Variants in ZMYND8 observed in about 807,000 individuals in gnomAD.
ZMYND8 encodes zinc finger MYND-type containing 8, also known as MYND-type zinc finger-containing chromatin reader ZMYND8.
In ZMYND8, 37 loss-of-function variants were observed where a neutral mutation model predicts 140.8. The observed-to-expected ratio is 0.26, with a 90% CI of 0.20 to 0.35. The LOEUF (loss-of-function observed/expected upper bound fraction) is 0.35, where lower values mean the gene tolerates loss of function less well. Among genes scored for constraint, ZMYND8 ranks in the 10% least tolerant of loss-of-function variants. ZMYND8 has a pLI of 1.00. For missense variants in ZMYND8, 1,068 were observed against 1,570.0 expected (o/e 0.68, Z 5.40); for synonymous variants, 592 against 597.1 (o/e 0.99, Z 0.12).
intron 2 of ZMYND8, among the ~76,000 whole-genome samples, chr20:47,323,504 G>A (rs940241177): frequency 1.3e-5 from 2 of 152,080 alleles, no homozygotes; most frequent in Admixed American, 1.3e-4. Context: ...AGGACTACAG[G>A]CATGAGCTGT....
chr20:47,269,198 CA>C (rs778942859), intron 11 of ZMYND8, among the ~76,000 whole-genome samples: 5 of 151,560 alleles, frequency 3.3e-5, no homozygotes, highest in East Asian at 3.9e-4. Context: ...GACTCCATCT[CA>C]AAAAAAATAA....
intron 10 of ZMYND8, among the ~76,000 whole-genome samples, chr20:47,277,035 T>G (rs2076298578): frequency 6.6e-6 from 1 of 152,116 alleles, no homozygotes; most frequent in South Asian, 2.1e-4. Flanking sequence ...GCAACAGACT[T>G]AGTCATTGTG....
intron 16 of ZMYND8, among the ~76,000 whole-genome samples, chr20:47,232,638 C>G (rs1365400732): frequency 6.6e-6 from 1 of 152,142 alleles, no homozygotes; most frequent in Non-Finnish European, 1.5e-5. Flanking sequence ...AACCACTAAT[C>G]AGACCCACTC....
At chr20:47,269,058 G>A (rs993122373) in intron 11 of ZMYND8, among the ~76,000 whole-genome samples, 8 of 152,046 alleles carry the variant, frequency 5.3e-5, no homozygotes, top group African/African-American at 1.9e-4. Context: ...AACCAGCCAG[G>A]TGTGTTGGCA....
chr20:47,319,081 G>A (rs745521557), intron 2 of ZMYND8: 3 of 1,321,588 alleles, frequency 2.3e-6, no homozygotes, highest in Admixed American at 2.0e-5. Context: ...GGAGGAAGAA[G>A]CAAAGAGAAC....
chr20:47,341,785 C>T (rs558921479), intron 2 of ZMYND8, among the ~76,000 whole-genome samples: 2 of 151,776 alleles, frequency 1.3e-5, no homozygotes, highest in African/African-American at 4.8e-5. Context: ...GGGTGGATCA[C>T]GAGGTCAGGA....
intron 16 of ZMYND8, among the ~76,000 whole-genome samples, chr20:47,232,740 C>T (rs2038680451): frequency 6.6e-6 from 1 of 152,128 alleles, no homozygotes; most frequent in African/African-American, 2.4e-5. Flanking sequence ...AACAAGAGAT[C>T]ATTCAGGCAA....
chr20:47,300,754 G>A (rs920526488), intron 3 of ZMYND8, among the ~76,000 whole-genome samples: 14 of 152,016 alleles, frequency 9.2e-5, no homozygotes, highest in African/African-American at 3.1e-4. Context: ...TTGCTCTGTC[G>A]CCCAGGCTGG....
At chr20:47,223,277 C>T (rs978333416) in intron 19 of ZMYND8, among the ~76,000 whole-genome samples, 27 of 151,496 alleles carry the variant, frequency 1.8e-4, no homozygotes, top group African/African-American at 5.1e-4. Context: ...AGGCTGAGGC[C>T]GGCAGATCAC....
intron 14 of ZMYND8, among the ~76,000 whole-genome samples, chr20:47,245,254 C>CA: frequency 6.6e-6 from 1 of 150,978 alleles, no homozygotes; most frequent in South Asian, 2.1e-4. Flanking sequence ...ATGAACACTG[C>CA]TTTTTTTTTA....
intron 2 of ZMYND8, among the ~76,000 whole-genome samples, chr20:47,335,213 T>G (rs1049441836): frequency 1.3e-5 from 2 of 151,894 alleles, no homozygotes; most frequent in Non-Finnish European, 2.9e-5. Context: ...CCCACTGCAC[T>G]CCAGCTTGGG....
At chr20:47,222,264 G>A (rs753042327) in intron 19 of ZMYND8, among the ~76,000 whole-genome samples, 3 of 152,364 alleles carry the variant, frequency 2.0e-5, no homozygotes, top group East Asian at 1.9e-4. Context: ...GGCCGGGTGC[G>A]GCGGCTCATG....
chr20:47,300,716 G>A (rs1601717287), intron 3 of ZMYND8, among the ~76,000 whole-genome samples: 2 of 152,104 alleles, frequency 1.3e-5, no homozygotes, highest in East Asian at 3.8e-4. Flanking sequence ...TTTATTATGA[G>A]GTTTTGTTTA....
Position 47,246,159 on chromosome 20 carries a change from C to G in ZMYND8, c.2133G>C (p.Lys711Asn), listed in dbSNP as rs759604792. The change falls in exon 14 of 23, where the codon AAG (lysine) becomes AAC (asparagine). Residue 711 changes from lysine to asparagine, a missense_variant. Physicochemically the swap from Lys to Asn is moderately conservative, Grantham distance 94. This residue lies in a region of ZMYND8 where 383 missense variants were observed against 431.2 expected (regional missense o/e 0.89). Transcript: ENST00000471951. ...PSPHPIKDKL[K>N]GKDETDSPTV... Reference sequence around the variant, plus strand: ...TTGGGGAATCCGTCTCATCTTTTCCCTTCAGTTTATCCTTTATGGGGTGAG... The same window carrying G: ...TTGGGGAATCCGTCTCATCTTTTCCGTTCAGTTTATCCTTTATGGGGTGAG... 1.2e-6 allele frequency: 2 copies of G among 1,614,118 alleles called. No individual in the cohort carries two copies. Among genetic ancestry groups the G allele is most frequent in the Non-Finnish European group, 1.7e-6 (2 of 1,180,032 alleles).
intron 14 of ZMYND8, among the ~76,000 whole-genome samples, chr20:47,241,294 CAAAAAAA>C (rs11476591): frequency 4.8e-5 from 3 of 62,034 alleles, no homozygotes; most frequent in Non-Finnish European, 7.6e-5. Context: ...GACTCCGTCT[CAAAAAAA>C]AAAAAAAAAA....
At chr20:47,351,739 G>A in intron 1 of ZMYND8, 1 of 985,420 alleles carries the variant, frequency 1.0e-6, no homozygotes, top group Non-Finnish European at 1.2e-6. Flanking sequence ...CGGTAGCTAA[G>A]CTATTTATGC....
intron 22 of ZMYND8, among the ~76,000 whole-genome samples, chr20:47,211,602 G>A (rs1471063695): frequency 1.3e-5 from 2 of 152,190 alleles, no homozygotes; most frequent in Non-Finnish European, 2.9e-5. Flanking sequence ...AGGTGTCTGT[G>A]AAGAGCACTT....
At chr20:47,327,772 C>T (rs1241382461) in intron 2 of ZMYND8, among the ~76,000 whole-genome samples, 1 of 152,186 alleles carries the variant, frequency 6.6e-6, no homozygotes, top group African/African-American at 2.4e-5. Context: ...CCGAGGTCTC[C>T]ATTATTCTTA....
chr20:47,255,689 G>GTATATATATATA (rs367757125), intron 12 of ZMYND8, among the ~76,000 whole-genome samples: 1 of 103,180 alleles, frequency 9.7e-6, no homozygotes, highest in African/African-American at 4.1e-5. Context: ...GTGTGTGTGT[G>GTATATATATATA]TATATATATA....
Sources: allele counts gnomAD v4.1 joint callset (sites outside exome capture counted in the v4.1 genomes callset), GRCh38; gene constraint gnomAD v4.1.1; regional missense constraint gnomAD v4.1.1; transcripts MANE v1.5; gene names NCBI Gene and HGNC (gene_info 2026-07-23, HGNC 2026-07-21).